KNOP1: variants seen among roughly 807,000 people sequenced by gnomAD.
KNOP1 encodes lysine rich nucleolar protein 1.
Under a neutral mutation model 30.6 loss-of-function variants are expected in KNOP1, and 20 were observed. The observed-to-expected ratio is 0.65, with a 90% confidence interval of 0.46 to 0.95. The LOEUF (loss-of-function observed/expected upper bound fraction) is 0.95. Among genes scored for constraint, KNOP1 ranks in the 40% least tolerant of loss-of-function variants. The pLI is 0.00. For missense variants in KNOP1, 540 were observed against 562.0 expected (o/e 0.96, Z 0.40); for synonymous variants, 204 against 210.0 (o/e 0.97, Z 0.25).
In KNOP1 at chr16:19,704,130, TAG is replaced by T. The variant is rs1976267598; in HGVS notation, c.*2778_*2779del. 6.6e-6 allele frequency: 1 copy of T among 152,270 alleles called. No homozygotes were observed. The highest frequency in any genetic ancestry group is 1.5e-5 in the Non-Finnish European group (1 of 68,132). The allele number at this position is 152,270 out of a possible 1,614,324, so 9.4% of individuals were successfully genotyped here. On this transcript the variant is annotated 3_prime_UTR_variant, in exon 5 of 5. Transcript: ENST00000219837. The stretch of plus-strand genomic sequence containing the variant: ...AGAGTCTCATTCTGTTGCCCGGGGC[TAG>T]AGTGTGCAGTGGCACCATCCCAGCT...
At chr16:19,710,652 G>C in intron 3 of KNOP1, 66 bp from the exon 4 acceptor site, 1 of 1,339,586 alleles carries the variant, frequency 7.5e-7, no homozygotes, top group South Asian at 1.2e-5. Flanking sequence ...TAAAACCCAG[G>C]ACAGAGACGG....
chr16:19,714,451 G>A lies in KNOP1; in HGVS notation c.585C>T (p.Ala195=), dbSNP rs767293563. ...SVGKKDEEQA[A]LGQKRKRKSP... is the part of the protein sequence containing the mutation. The stretch of plus-strand genomic sequence containing the variant: ...TCTTCCGCTTCCGTTTCTGCCCCAA[G>A]GCTGCCTGTTCCTCATCCTTCTTCC... The change falls in exon 2 of 5, where the codon GCC becomes GCT. Residue 195 remains alanine, a synonymous_variant. Coordinates refer to ENST00000219837, the MANE Select transcript of KNOP1 (RefSeq NM_001012991.3). The A allele has an allele frequency of 6.2e-7, 1 of 1,613,904 alleles. No homozygotes were observed. Among genetic ancestry groups the A allele is most frequent in the Non-Finnish European group, 8.5e-7 (1 of 1,179,984 alleles).
intron 1 of KNOP1, among the ~76,000 whole-genome samples, chr16:19,716,712 T>C (rs1322904455): frequency 6.6e-6 from 1 of 152,240 alleles, no homozygotes; most frequent in Non-Finnish European, 1.5e-5. Flanking sequence ...TGGTCAACCC[T>C]GGTCCCAAAA....
Position 19,718,161 on chromosome 16 carries a change from T to C in KNOP1, c.-6A>G, listed in dbSNP as rs1003795165. The C allele has an allele frequency of 1.1e-5, 16 of 1,476,548 alleles. No individual in the cohort carries two copies. In the African/African-American group the frequency reaches 2.2e-4, roughly 21 times the overall value. The allele number at this position is 1,476,548 out of a possible 1,614,324, so 91.5% of individuals were successfully genotyped here. On this transcript the variant is annotated 5_prime_UTR_variant, in exon 1 of 5. Coordinates refer to ENST00000219837, the MANE Select transcript of KNOP1 (RefSeq NM_001012991.3). ...TGCAACGCGCCCTGGCACTCACCGG[T>C]GGGCGAAATTTCCCCGCCTCCACGT...
intron 2 of KNOP1, 47 bp downstream of exon 2, chr16:19,714,071 A>G (rs1976855843): frequency 2.0e-6 from 3 of 1,497,242 alleles, no homozygotes; most frequent in Non-Finnish European, 2.7e-6. Context: ...CCCAAACCCC[A>G]CCCTTAATTC....
intron 3 of KNOP1, among the ~76,000 whole-genome samples, chr16:19,711,009 C>G (rs910488053): frequency 6.6e-6 from 1 of 152,112 alleles, no homozygotes; most frequent in Non-Finnish European, 1.5e-5. Context: ...GAAGCGGAAG[C>G]TGATTCACAA....
intron 1 of KNOP1, among the ~76,000 whole-genome samples, chr16:19,717,143 C>G (rs1224274527): frequency 1.3e-5 from 2 of 152,154 alleles, no homozygotes; most frequent in Non-Finnish European, 2.9e-5. Flanking sequence ...ACGCCCGGCC[C>G]TACTGTGCCT....
Position 19,718,156 on chromosome 16 carries a change from A to T in KNOP1, c.-3+2T>A, listed in dbSNP as rs984888055. 1.4e-6 allele frequency: 2 copies of T among 1,475,030 alleles called. No homozygotes were observed. The highest frequency in any genetic ancestry group is 2.8e-5 in the African/African-American group (2 of 71,310). The allele number at this position is 1,475,030 out of a possible 1,614,324, so 91.4% of individuals were successfully genotyped here. A position where few individuals can be genotyped will look rare whatever the true frequency, so the allele number is the denominator to read the frequency against. ...CCGCCTGCAACGCGCCCTGGCACTC[A>T]CCGGTGGGCGAAATTTCCCCGCCTC... On this transcript the variant is annotated splice_donor_variant, in intron 1 of 4. Transcript: ENST00000219837. LOFTEE classifies it low-confidence loss of function (5UTR_SPLICE).
rs547478380 is a variant in KNOP1 at position 19,711,184 on chromosome 16, C to T, written c.987+188G>A. ...ATGGCCACGGCAGCCGGAAGGGCCCCCAGCATGAGGATGGGGAAAGCACGC... is the reference window on the plus strand; with the variant it reads ...ATGGCCACGGCAGCCGGAAGGGCCCTCAGCATGAGGATGGGGAAAGCACGC... On this transcript the variant is annotated intron_variant, in intron 3 of 4. Coordinates refer to ENST00000219837, the MANE Select transcript of KNOP1 (RefSeq NM_001012991.3). Among the ~76,000 whole-genome samples the T allele has an allele frequency of 4.6e-5, 7 of 152,370 alleles. No homozygotes were observed. The East Asian group carries it at 7.7e-4, about 17-fold the overall frequency.
intron 1 of KNOP1, chr16:19,717,818 G>A (rs541625138): frequency 1.9e-5 from 19 of 1,003,546 alleles, no homozygotes; most frequent in South Asian, 4.2e-5. Flanking sequence ...CCGCCCACAG[G>A]ACTCCAAAGC....
Position 19,718,193 on chromosome 16 carries a change from C to A in KNOP1, c.-38G>T. ...AATTTCCCCGCCTCCACGTGAGAGC[C>A]AGCTCCGCCGTGACCCGGAAGTCCA... is the stretch of plus-strand genomic sequence containing the variant. On this transcript the variant is annotated 5_prime_UTR_variant, in exon 1 of 5. Transcript: ENST00000219837. The A allele has an allele frequency of 6.6e-7, 1 of 1,503,976 alleles. No homozygotes were observed. Among genetic ancestry groups the A allele is most frequent in the Non-Finnish European group, 8.8e-7 (1 of 1,130,756 alleles). 93.2% of individuals were successfully genotyped at this position (1,503,976 alleles called of 1,614,324 possible). A position where few individuals can be genotyped will look rare whatever the true frequency, so the allele number is the denominator to read the frequency against.
chr16:19,708,782 G>A (rs1057366397), intron 4 of KNOP1, among the ~76,000 whole-genome samples: 4 of 152,276 alleles, frequency 2.6e-5, no homozygotes, highest in African/African-American at 9.6e-5. Flanking sequence ...CAGGAATAAT[G>A]ACAGCTCCCC....
intron 1 of KNOP1, 33 bp from the exon 2 acceptor site, chr16:19,715,070 C>T (rs1976954509): frequency 6.8e-7 from 1 of 1,461,858 alleles, no homozygotes; most frequent in Non-Finnish European, 9.1e-7. Flanking sequence ...TTATCCCATA[C>T]CAAGCCATCC....
chr16:19,710,876 C>G (rs1976677600), intron 3 of KNOP1, among the ~76,000 whole-genome samples: 2 of 144,132 alleles, frequency 1.4e-5, no homozygotes, highest in African/African-American at 5.3e-5. Context: ...CACGCCACGG[C>G]ACTCCAGCCT....
rs763735436 is a variant in KNOP1 at position 19,714,158 on chromosome 16, T to C, written c.878A>G (p.Lys293Arg). Residue 293 changes from lysine (K) to arginine (R), a missense_variant, in exon 2 of 5, where the codon AAG becomes AGG. Coordinates refer to ENST00000219837, the MANE Select transcript of KNOP1 (RefSeq NM_001012991.3). ...TCCTGCTACCCCACTCTCTTTCCTC[T>C]TCTTCTTTTTCTTCCTTTTCAGAGC... is the stretch of plus-strand genomic sequence containing the variant. ...EPALKRKKKKKRKESGVAGDP... is the reference protein window; with the variant it reads ...EPALKRKKKKRRKESGVAGDP... 3.7e-5 allele frequency: 59 copies of C among 1,613,244 alleles called. No homozygotes were observed. The highest frequency in any genetic ancestry group is 1.6e-4 in the South Asian group (15 of 90,974).
intron 2 of KNOP1, 108 bp from the exon 3 acceptor site, chr16:19,711,548 C>G: frequency 1.0e-6 from 1 of 1,001,618 alleles, no homozygotes. Context: ...AGACCTCAGA[C>G]CACGGCATCA....
Position 19,706,889 on chromosome 16 carries a change from G to T in KNOP1, c.*21C>A, listed in dbSNP as rs772982034. The T allele has an allele frequency of 3.0e-5, 48 of 1,606,074 alleles. No homozygotes were observed. The highest frequency in any genetic ancestry group is 6.9e-5 in the Admixed American group (4 of 58,196). ...TAATCAAAGCAATTGTGGCAGTTTT[G>T]GGGGGACAAAACTCTAGAGTTTAAT... On this transcript the variant is annotated 3_prime_UTR_variant, in exon 5 of 5. Coordinates refer to ENST00000219837, the MANE Select transcript of KNOP1 (RefSeq NM_001012991.3).
Position 19,710,518 on chromosome 16 carries a change from C to T in KNOP1, c.1056G>A (p.Arg352=), listed in dbSNP as rs1386379424. ...ESGKTEASET[R]KWTGTQFGQW... is the part of the protein sequence containing the mutation. Reference sequence around the variant, plus strand: ...CTAGCCCCAAACTTACCGTCCACTTCCTGGTTTCAGAAGCTTCCGTTTTGC... The same window carrying T: ...CTAGCCCCAAACTTACCGTCCACTTTCTGGTTTCAGAAGCTTCCGTTTTGC... The change falls in exon 4 of 5, where the codon AGG becomes AGA. Residue 352 remains arginine, a synonymous_variant. Coordinates refer to ENST00000219837, the MANE Select transcript of KNOP1 (RefSeq NM_001012991.3). 1 of 1,613,004 alleles carries T rather than the reference C, an allele frequency of 6.2e-7. No individual in the cohort carries two copies. The highest frequency in any genetic ancestry group is 1.7e-5 in the Admixed American group (1 of 60,030).
In KNOP1 at chr16:19,714,326, C is replaced by T. The variant is rs1372205557; in HGVS notation, c.710G>A (p.Ser237Asn). 3 of 1,613,988 alleles carry T rather than the reference C, an allele frequency of 1.9e-6. No individual in the cohort carries two copies. The highest frequency in any genetic ancestry group is 1.1e-5 in the South Asian group (1 of 91,078). Residue 237 changes from serine (S) to asparagine (N), a missense_variant, in exon 2 of 5, where the codon AGC becomes AAC. Physicochemically the swap from Ser to Asn is conservative, Grantham distance 46. Coordinates refer to ENST00000219837, the MANE Select transcript of KNOP1 (RefSeq NM_001012991.3). ...CTTTTTACTTCCTTTCCTAGGGCTG[C>T]TCTCCATGGACCTGGAGGGCTTGGA... is the stretch of plus-strand genomic sequence containing the variant. ...GHSKPSRSME[S>N]SPRKGSKKKP...
Sources: gnomAD v4.1 joint callset for allele counts (sites outside exome capture counted in the v4.1 genomes callset) on GRCh38, gnomAD v4.1.1 for gene constraint, MANE v1.5 for transcripts, NCBI Gene and HGNC (gene_info 2026-07-23, HGNC 2026-07-21) for gene names.